Variants in NACC2 observed in about 807,000 individuals in gnomAD.
The protein encoded by NACC2 is NACC family member 2, also known as nucleus accumbens-associated protein 2.
NACC2 carries 8 observed loss-of-function variants against 25.1 expected under a neutral mutation model. That is an observed-to-expected ratio of 0.32 (90% CI 0.19 to 0.57). NACC2 has a LOEUF of 0.57. Among genes scored for constraint, NACC2 ranks in the 20% least tolerant of loss-of-function variants. The probability of loss-of-function intolerance (pLI) is 0.89; values close to 1 mark genes in which losing one functional copy is unlikely to be tolerated. For synonymous variants in NACC2, 435 were observed against 294.7 expected (o/e 1.48, Z -4.88); for missense variants, 644 against 650.2 (o/e 0.99, Z 0.10).
intron 1 of NACC2, among the ~76,000 whole-genome samples, chr9:136,058,928 G>A (rs1188673421): frequency 1.3e-5 from 2 of 152,194 alleles, no homozygotes; most frequent in Admixed American, 6.5e-5. Flanking sequence ...AGTGGATAGC[G>A]CTGCCCCTGG....
chr9:136,068,165 C>T (rs1479023722), intron 1 of NACC2, among the ~76,000 whole-genome samples: 1 of 152,072 alleles, frequency 6.6e-6, no homozygotes, highest in Admixed American at 6.5e-5. Flanking sequence ...TGTATAAACA[C>T]CGAACATTTA....
intron 2 of NACC2, among the ~76,000 whole-genome samples, chr9:136,024,387 CAG>C (rs1371168704): frequency 9.5e-5 from 4 of 42,120 alleles, no homozygotes; most frequent in East Asian, 5.9e-4. Flanking sequence ...TGTGTGAGGA[CAG>C]AGGGTGTGTG....
At chr9:136,065,183 A>G (rs1841065440) in intron 1 of NACC2, among the ~76,000 whole-genome samples, 1 of 152,218 alleles carries the variant, frequency 6.6e-6, no homozygotes, top group Non-Finnish European at 1.5e-5. Flanking sequence ...GAGCAAAGCA[A>G]CAAAAGGAAA....
chr9:136,057,468 G>T (rs2131168262), intron 1 of NACC2, among the ~76,000 whole-genome samples: 1 of 152,270 alleles, frequency 6.6e-6, no homozygotes, highest in Non-Finnish European at 1.5e-5. Flanking sequence ...CACACACTGT[G>T]GGATGCTCCC....
intron 2 of NACC2, among the ~76,000 whole-genome samples, chr9:136,027,046 T>G (rs1200055505): frequency 6.6e-6 from 1 of 152,168 alleles, no homozygotes; most frequent in Non-Finnish European, 1.5e-5. Context: ...CTGGCCAACA[T>G]GGTGAAACCC....
chr9:136,082,102 C>T (rs1382879128), intron 1 of NACC2, among the ~76,000 whole-genome samples: 1 of 152,238 alleles, frequency 6.6e-6, no homozygotes, highest in Non-Finnish European at 1.5e-5. Flanking sequence ...CACCTGAACA[C>T]GACCTGCCGG....
At chr9:136,016,465 C>CT (rs1232840125) in intron 2 of NACC2, 36 bp from the exon 3 acceptor site, 2 of 1,609,048 alleles carry the variant, frequency 1.2e-6, no homozygotes, top group African/African-American at 2.7e-5. Flanking sequence ...AGATGGGCAT[C>CT]TGGGGGGCCG....
At chr9:136,074,949 C>G (rs949187993) in intron 1 of NACC2, among the ~76,000 whole-genome samples, 1 of 152,170 alleles carries the variant, frequency 6.6e-6, no homozygotes, top group Non-Finnish European at 1.5e-5. Context: ...TCTGGGAGCC[C>G]GGGAGCTCTG....
chr9:136,009,789 G>A lies in NACC2; in HGVS notation c.*1727C>T, dbSNP rs1159061103. The stretch of plus-strand genomic sequence containing the variant: ...CTCCGCTTGATGGGTTGTGGAGGTT[G>A]GGGGAGTGGGGTGCGCTGGTCGGCC... On this transcript the variant is annotated 3_prime_UTR_variant, in exon 6 of 6. Transcript: ENST00000277554. 1 of 152,496 alleles carries A rather than the reference G, an allele frequency of 6.6e-6. No homozygotes were observed. The highest frequency in any genetic ancestry group is 1.5e-5 in the Non-Finnish European group (1 of 68,294). The allele number at this position is 152,496 out of a possible 1,614,324, so 9.4% of individuals were successfully genotyped here.
At position 136,053,822 on chromosome 9, in the gene NACC2, A is replaced by T. The variant is rs1840884770; in HGVS notation, c.-59-3242T>A. ...CCAAAAGAGGGGACAGGCAGAGGCC[A>T]GCACGGCGCACCGGTTCCTGGGGGT... is the stretch of plus-strand genomic sequence containing the variant. On this transcript the variant is annotated intron_variant, in intron 1 of 5. Transcript: ENST00000277554. Among the ~76,000 whole-genome samples the T allele has an allele frequency of 2.6e-5, 4 of 152,326 alleles. No homozygotes were observed. In the South Asian group the frequency reaches 8.3e-4, roughly 32 times the overall value.
rs778368786 is a variant in NACC2 at position 136,013,176 on chromosome 9, C to T, written c.1255+23G>A. The T allele has an allele frequency of 6.8e-7, 1 of 1,471,356 alleles. No homozygotes were observed. The highest frequency in any genetic ancestry group is 1.1e-5 in the South Asian group (1 of 87,826). 91.1% of individuals were successfully genotyped at this position (1,471,356 alleles called of 1,614,324 possible). A position where few individuals can be genotyped will look rare whatever the true frequency, so the allele number is the denominator to read the frequency against. ...TGAACCCAGCCCCGGCCCCACCCAC[C>T]CGAGAGACCCCCAGGCTCTTACATT... On this transcript the variant is annotated intron_variant, in intron 5 of 5. Transcript: ENST00000277554. This position sits in a 1 kb window ranked among gnomAD's most constrained non-coding sequence, Gnocchi z 6.6.
chr9:136,081,586 C>G (rs1031466556), intron 1 of NACC2, among the ~76,000 whole-genome samples: 3 of 152,266 alleles, frequency 2.0e-5, no homozygotes, highest in Non-Finnish European at 4.4e-5. Flanking sequence ...AAAGGCCTCT[C>G]AGCTGCTGGG....
intron 1 of NACC2, among the ~76,000 whole-genome samples, chr9:136,061,840 C>T (rs752063963): frequency 3.9e-5 from 6 of 152,094 alleles, no homozygotes; most frequent in Non-Finnish European, 7.4e-5. Flanking sequence ...AAGTTGGTGG[C>T]CGGGCGCGGT....
intron 1 of NACC2, among the ~76,000 whole-genome samples, chr9:136,082,338 C>T (rs952225661): frequency 6.6e-6 from 1 of 152,362 alleles, no homozygotes; most frequent in Non-Finnish European, 1.5e-5. Context: ...GGCTCTGCCC[C>T]GCCTGTGCCA....
At chr9:136,017,692 C>T (rs144807871) in intron 2 of NACC2, among the ~76,000 whole-genome samples, 1 of 152,352 alleles carries the variant, frequency 6.6e-6, no homozygotes, top group Non-Finnish European at 1.5e-5. Context: ...GGTAGGCTGC[C>T]AGCACAGCCA....
At chr9:136,025,598 A>G (rs1323873275) in intron 2 of NACC2, among the ~76,000 whole-genome samples, 1 of 151,780 alleles carries the variant, frequency 6.6e-6, no homozygotes, top group African/African-American at 2.4e-5. Context: ...AATCAACAAA[A>G]GGGATTAAGT....
chr9:136,057,935 C>G (rs1022489350), intron 1 of NACC2, among the ~76,000 whole-genome samples: 1 of 152,128 alleles, frequency 6.6e-6, no homozygotes, highest in Non-Finnish European at 1.5e-5. Context: ...TTAGAGACGG[C>G]GACTTCGCGG....
chr9:136,021,656 G>A (rs1840296258), intron 2 of NACC2, among the ~76,000 whole-genome samples: 1 of 152,166 alleles, frequency 6.6e-6, no homozygotes, highest in Non-Finnish European at 1.5e-5. Flanking sequence ...GCACAGGAAC[G>A]CTTATCCCGT....
At chr9:136,066,238 G>A (rs1285424855) in intron 1 of NACC2, among the ~76,000 whole-genome samples, 3 of 150,350 alleles carry the variant, frequency 2.0e-5, no homozygotes, top group African/African-American at 7.3e-5. Context: ...AGAATAGAAG[G>A]GAATATCTGC....
Sources: allele counts gnomAD v4.1 joint callset (sites outside exome capture counted in the v4.1 genomes callset), GRCh38; gene constraint gnomAD v4.1.1; non-coding constraint Gnocchi (gnomAD v3.1); transcripts MANE v1.5; gene names NCBI Gene and HGNC (gene_info 2026-07-23, HGNC 2026-07-21).